GPHN: variants seen among roughly 807,000 people sequenced by gnomAD.
GPHN encodes the protein gephyrin.
In GPHN, 17 loss-of-function variants were observed where a neutral mutation model predicts 95.5. The observed-to-expected ratio is 0.18, with a 90% CI of 0.12 to 0.27. GPHN has a LOEUF of 0.27. GPHN is among the 10% of genes least tolerant of loss of function. The probability of loss-of-function intolerance (pLI) is 1.00; values close to 1 mark genes in which losing one functional copy is unlikely to be tolerated. For missense variants in GPHN, 660 were observed against 978.1 expected (o/e 0.67, Z 4.34); for synonymous variants, 320 against 322.5 (o/e 0.99, Z 0.08).
chr14:66,954,568 C>T (rs1189999606), intron 8 of GPHN, among the ~76,000 whole-genome samples: 9 of 152,160 alleles, frequency 5.9e-5, no homozygotes, highest in African/African-American at 2.2e-4. Flanking sequence ...AAAACCATGT[C>T]ATCTGTGAAT....
chr14:67,698,570 A>G, the GPHN span, among the ~76,000 whole-genome samples: 3 of 152,244 alleles, frequency 2.0e-5, no homozygotes, highest in African/African-American at 7.2e-5. Context: ...GATGTATCAG[A>G]CAGGGTTCAA....
At chr14:67,456,968 G>A in the GPHN span, among the ~76,000 whole-genome samples, 2 of 152,302 alleles carry the variant, frequency 1.3e-5, no homozygotes, top group African/African-American at 4.8e-5. Context: ...ACGAGATCAC[G>A]TCCTTTGAGC....
the GPHN span, among the ~76,000 whole-genome samples, chr14:67,418,384 T>C: frequency 6.6e-6 from 1 of 152,216 alleles, no homozygotes; most frequent in African/African-American, 2.4e-5. Flanking sequence ...CAGGGGTCCA[T>C]GGCAGTAGAT....
At chr14:67,143,303 G>A in intron 17 of GPHN, 59 bp from the exon 18 acceptor site, 1 of 1,026,244 alleles carries the variant, frequency 9.7e-7, no homozygotes, top group Non-Finnish European at 1.6e-6. Flanking sequence ...TTTTAAGTTG[G>A]CACTATATCT....
chr14:67,436,258 C>T, the GPHN span, among the ~76,000 whole-genome samples: 69 of 152,256 alleles, frequency 4.5e-4, 1 homozygote, highest in African/African-American at 1.3e-3. Context: ...GGCCAGTAGG[C>T]GCCTGTGTGG....
intron 2 of GPHN, among the ~76,000 whole-genome samples, chr14:66,691,008 A>T (rs957621275): frequency 1.3e-5 from 2 of 152,096 alleles, no homozygotes; most frequent in African/African-American, 4.8e-5. Flanking sequence ...GTGAAAACCC[A>T]AAGATTTTTA....
intron 10 of GPHN, among the ~76,000 whole-genome samples, chr14:67,042,510 G>A (rs1415347351): frequency 6.6e-6 from 1 of 152,136 alleles, no homozygotes; most frequent in Admixed American, 6.6e-5. Context: ...ACTTGTGTGT[G>A]TCAGGTTTGT....
intron 11 of GPHN, among the ~76,000 whole-genome samples, chr14:67,065,390 T>A (rs1201387558): frequency 6.6e-6 from 1 of 152,210 alleles, no homozygotes; most frequent in African/African-American, 2.4e-5. Context: ...AATGTGGTGC[T>A]GAGAAGACTG....
At chr14:67,678,541 C>T in the GPHN span, 10 of 643,176 alleles carry the variant, frequency 1.6e-5, no homozygotes, top group Non-Finnish European at 2.8e-5. Context: ...ATGTACTTCA[C>T]AGGGCCAGTG....
the GPHN span, among the ~76,000 whole-genome samples, chr14:67,244,484 AT>A: frequency 6.6e-6 from 1 of 152,240 alleles, no homozygotes; most frequent in Non-Finnish European, 1.5e-5. Flanking sequence ...TCTTTAAAAA[AT>A]ATTTAACTCT....
the GPHN span, chr14:67,575,754 G>C: frequency 8.6e-7 from 1 of 1,158,214 alleles, no homozygotes; most frequent in Non-Finnish European, 1.3e-6. Flanking sequence ...CGGAGCCTAT[G>C]TATTCAGAGA....
chr14:67,468,665 G>A, the GPHN span, among the ~76,000 whole-genome samples: 1 of 152,068 alleles, frequency 6.6e-6, no homozygotes, highest in Non-Finnish European at 1.5e-5. Flanking sequence ...AGGCCGAGGC[G>A]GGTGGATCAC....
At chr14:66,524,777 T>C (rs28449547) in intron 1 of GPHN, among the ~76,000 whole-genome samples, 38,913 of 151,996 alleles carry the variant, frequency 0.26, 9,802 homozygotes, top group African/African-American at 0.62. Context: ...GTTAGTTTGC[T>C]GAGAATGATG....
At chr14:66,612,657 C>T (rs1161558828) in intron 1 of GPHN, among the ~76,000 whole-genome samples, 2 of 152,038 alleles carry the variant, frequency 1.3e-5, no homozygotes, top group African/African-American at 4.8e-5. Flanking sequence ...GAAACCCAAT[C>T]CCCCTTTCAA....
At chr14:67,359,814 C>T in the GPHN span, 1 of 1,225,810 alleles carries the variant, frequency 8.2e-7, no homozygotes, top group Non-Finnish European at 1.2e-6. Context: ...TGTCACTTGA[C>T]CCCTCTTGTT....
chr14:66,811,235 C>A (rs1307176934), intron 3 of GPHN, among the ~76,000 whole-genome samples: 2 of 152,122 alleles, frequency 1.3e-5, no homozygotes, highest in East Asian at 3.9e-4. Flanking sequence ...AAGCCCAAAC[C>A]TCAGCATCAT....
the GPHN span, among the ~76,000 whole-genome samples, chr14:67,517,910 C>T: frequency 6.6e-6 from 1 of 152,218 alleles, no homozygotes; most frequent in Non-Finnish European, 1.5e-5. Flanking sequence ...GCACCAAGAA[C>T]ATTTGACATA....
chr14:67,315,010 A>C, the GPHN span, among the ~76,000 whole-genome samples: 1 of 152,154 alleles, frequency 6.6e-6, no homozygotes, highest in Non-Finnish European at 1.5e-5. Context: ...CAGGAGGCTG[A>C]GGTGGAAGGA....
chr14:66,807,062 T>A (rs2060574141), intron 3 of GPHN, among the ~76,000 whole-genome samples: 1 of 152,166 alleles, frequency 6.6e-6, no homozygotes, highest in African/African-American at 2.4e-5. Flanking sequence ...GACTTACAGT[T>A]TCACATGGCT....
Sources: allele counts gnomAD v4.1 joint callset (sites outside exome capture counted in the v4.1 genomes callset), GRCh38; gene constraint gnomAD v4.1.1; transcripts MANE v1.5; gene names NCBI Gene and HGNC (gene_info 2026-07-23, HGNC 2026-07-21).